The following TMEM182 variants were observed in gnomAD, a reference collection of about 807,000 sequenced individuals.
TMEM182 encodes transmembrane protein 182.
Under a neutral mutation model 26.8 loss-of-function variants are expected in TMEM182, and 20 were observed. That is an observed-to-expected ratio of 0.75 (90% CI 0.53 to 1.09). TMEM182 has a LOEUF of 1.09. Ranked by LOEUF, TMEM182 falls within the 50% of genes least tolerant of loss-of-function variation. The pLI is 0.00. For missense variants in TMEM182, 277 were observed against 275.5 expected (o/e 1.01, Z -0.04); for synonymous variants, 109 against 102.2 (o/e 1.07, Z -0.40).
chr2:102,756,321 C>G (rs1680031632), intron 1 of TMEM182, among the ~76,000 whole-genome samples: 5 of 152,182 alleles, frequency 3.3e-5, no homozygotes. Context: ...GAATATAAAG[C>G]TAATACATAG....
At chr2:102,775,019 C>A (rs1178917204) in intron 3 of TMEM182, 1 of 152,110 alleles carries the variant, frequency 6.6e-6, no homozygotes, top group Non-Finnish European at 1.5e-5. Context: ...TACAAAAAAT[C>A]TTGCTGACAC....
chr2:102,756,631 C>G (rs1034954599), intron 1 of TMEM182, among the ~76,000 whole-genome samples: 2 of 152,064 alleles, frequency 1.3e-5, no homozygotes, highest in African/African-American at 4.8e-5. Context: ...ATCACTTGAA[C>G]CCGGGAGGCA....
intron 1 of TMEM182, among the ~76,000 whole-genome samples, chr2:102,753,842 T>G (rs1295845438): frequency 6.6e-6 from 1 of 152,232 alleles, no homozygotes; most frequent in African/African-American, 2.4e-5. Context: ...TTGTGCTAGG[T>G]GTAAGAGATG....
intron 3 of TMEM182, among the ~76,000 whole-genome samples, chr2:102,768,318 A>C (rs1573509518): frequency 1.3e-5 from 2 of 152,240 alleles, no homozygotes; most frequent in Middle Eastern, 6.8e-3. Context: ...TGTGGTATTA[A>C]TACTGATGCC....
chr2:102,840,167 C>A (rs1683322066), intron 3 of TMEM182, among the ~76,000 whole-genome samples: 1 of 152,080 alleles, frequency 6.6e-6, no homozygotes, highest in South Asian at 2.1e-4. Flanking sequence ...CAGGAACTTT[C>A]CAAAAGGCTT....
chr2:102,745,340 C>T (rs374658140), intron 1 of TMEM182, among the ~76,000 whole-genome samples: 1 of 151,936 alleles, frequency 6.6e-6, no homozygotes, highest in African/African-American at 2.4e-5. Context: ...TTTAACTTTT[C>T]CATTATAATC....
chr2:102,803,868 G>A (rs1053117640), intron 4 of TMEM182, among the ~76,000 whole-genome samples: 1 of 151,978 alleles, frequency 6.6e-6, no homozygotes, highest in Non-Finnish European at 1.5e-5. Flanking sequence ...ACGCAGCCCT[G>A]CCGTCCACAC....
At chr2:102,740,042 G>A (rs1021897057) in intron 1 of TMEM182, among the ~76,000 whole-genome samples, 2 of 152,100 alleles carry the variant, frequency 1.3e-5, no homozygotes, top group African/African-American at 2.4e-5. Flanking sequence ...ATATTGCTCA[G>A]AAATGGGAAA....
intron 3 of TMEM182, among the ~76,000 whole-genome samples, chr2:102,832,439 T>A (rs1338681773): frequency 6.6e-6 from 1 of 152,184 alleles, no homozygotes; most frequent in Admixed American, 6.5e-5. Flanking sequence ...CTTTGAAGTG[T>A]TTCCTTCCAG....
intron 3 of TMEM182, among the ~76,000 whole-genome samples, chr2:102,825,166 T>A (rs1020054634): frequency 2.6e-5 from 4 of 152,250 alleles, no homozygotes; most frequent in Non-Finnish European, 4.4e-5. Context: ...GGTCTGTTAT[T>A]GCCTATTGGA....
At chr2:102,782,783 T>G (rs1474641963) in intron 3 of TMEM182, among the ~76,000 whole-genome samples, 1 of 152,238 alleles carries the variant, frequency 6.6e-6, no homozygotes, top group Non-Finnish European at 1.5e-5. Flanking sequence ...TTTGGTAAGC[T>G]TTATTATTTT....
At position 102,762,054 on chromosome 2, in the gene TMEM182, G is replaced by A. The variant is rs957149550; in HGVS notation, c.-164G>A. 8.5e-6 allele frequency: 5 copies of A among 586,724 alleles called. No homozygotes were observed. Among genetic ancestry groups the A allele is most frequent in the African/African-American group, 1.9e-5 (1 of 53,076 alleles). 36.3% of individuals were successfully genotyped at this position (586,724 alleles called of 1,614,324 possible). A position where few individuals can be genotyped will look rare whatever the true frequency, so the allele number is the denominator to read the frequency against. ...ATGAATCTGCCGGTGGGGCGTGAGC[G>A]AGAAGCCACCAAAACATGAGCTAGG... On this transcript the variant is annotated 5_prime_UTR_variant, in exon 1 of 5. Coordinates refer to ENST00000412401, the MANE Select transcript of TMEM182 (RefSeq NM_144632.5).
chr2:102,749,868 A>C (rs1451478627), intron 1 of TMEM182, among the ~76,000 whole-genome samples: 1 of 151,992 alleles, frequency 6.6e-6, no homozygotes, highest in Admixed American at 6.5e-5. Context: ...ATCCTGTACA[A>C]AAAAAATTAG....
intron 1 of TMEM182, among the ~76,000 whole-genome samples, chr2:102,745,517 A>G (rs963459967): frequency 6.6e-6 from 1 of 152,082 alleles, no homozygotes; most frequent in African/African-American, 2.4e-5. Flanking sequence ...TCACCTACTT[A>G]ACACATACAA....
At chr2:102,766,467 T>C (rs773787865) in intron 3 of TMEM182, among the ~76,000 whole-genome samples, 2 of 152,210 alleles carry the variant, frequency 1.3e-5, no homozygotes, top group Non-Finnish European at 2.9e-5. Flanking sequence ...GTAGAAATGA[T>C]TGAGATGTGC....
Position 102,748,832 on chromosome 2 carries a change from A to G in TMEM182, c.-82-9557A>G, listed in dbSNP as rs543513621. On this transcript the variant is annotated intron_variant, in intron 1 of 5. Transcript: ENST00000409173. Reference sequence around the variant, plus strand: ...TAAATTCTAACCCAGCCCTCTTTTTACTCTTTCATTAAGATTGATCTTAAA... The same window carrying G: ...TAAATTCTAACCCAGCCCTCTTTTTGCTCTTTCATTAAGATTGATCTTAAA... Among the ~76,000 whole-genome samples, 10 of 152,136 alleles carry G rather than the reference A, an allele frequency of 6.6e-5. No homozygotes were observed. In the East Asian group the frequency reaches 1.9e-3, roughly 29 times the overall value.
chr2:102,747,307 G>T (rs1679730082), intron 1 of TMEM182, among the ~76,000 whole-genome samples: 3 of 152,132 alleles, frequency 2.0e-5, no homozygotes, highest in Admixed American at 1.3e-4. Context: ...AGTCTCCCTG[G>T]ACATTGTCTT....
intron 3 of TMEM182, among the ~76,000 whole-genome samples, chr2:102,787,327 T>A (rs1006461925): frequency 1.3e-5 from 2 of 152,188 alleles, no homozygotes; most frequent in African/African-American, 2.4e-5. Context: ...AGGGCTCTCT[T>A]CAGGGTTGCA....
intron 1 of TMEM182, among the ~76,000 whole-genome samples, chr2:102,753,200 C>T (rs902110808): frequency 6.6e-6 from 1 of 151,356 alleles, no homozygotes; most frequent in Non-Finnish European, 1.5e-5. Flanking sequence ...AGCTTCCCCC[C>T]CCCACTGCCT....
Sources: gnomAD v4.1 joint callset for allele counts (sites outside exome capture counted in the v4.1 genomes callset) on GRCh38, gnomAD v4.1.1 for gene constraint, MANE v1.5 for transcripts, NCBI Gene and HGNC (gene_info 2026-07-23, HGNC 2026-07-21) for gene names.